Variants in CNBD1 observed in about 807,000 individuals in gnomAD.
CNBD1 encodes cyclic nucleotide-binding domain-containing protein 1.
In CNBD1, 71 loss-of-function variants were observed where a neutral mutation model predicts 54.4. The ratio of observed to expected loss-of-function variants is 1.30; its 90% confidence interval spans 1.08 to 1.59. CNBD1 has a LOEUF of 1.59. CNBD1 is among the 40% of genes most tolerant of loss of function. The probability of loss-of-function intolerance (pLI) is 0.00; values close to 1 mark genes in which losing one functional copy is unlikely to be tolerated. For synonymous variants in CNBD1, 182 were observed against 170.7 expected (o/e 1.07, Z -0.51); for missense variants, 659 against 518.0 (o/e 1.27, Z -2.64).
chr8:87,128,665 G>A (rs1231535312), intron 4 of CNBD1, among the ~76,000 whole-genome samples: 1 of 152,008 alleles, frequency 6.6e-6, no homozygotes, highest in Non-Finnish European at 1.5e-5. Flanking sequence ...TTAATTTGGT[G>A]AATTACACTG....
chr8:87,192,533 C>A (rs150438160), intron 4 of CNBD1, among the ~76,000 whole-genome samples: 45 of 152,282 alleles, frequency 3.0e-4, no homozygotes, highest in African/African-American at 9.9e-4. Flanking sequence ...TGACCTTGGG[C>A]AAGTTACTCA....
At position 87,410,555 on chromosome 8, in the gene CNBD1, G is replaced by A. The variant is rs1243505719; in HGVS notation, c.214-17991G>A. 3.9e-5 allele frequency among the ~76,000 whole-genome samples: 6 copies of A among 152,118 alleles called. No individual in the cohort carries two copies. In the East Asian group the frequency reaches 1.2e-3, roughly 29 times the overall value. On this transcript the variant is annotated intron_variant, in intron 2 of 7. Transcript: ENST00000521593. The stretch of plus-strand genomic sequence containing the variant: ...TTCTTGAGATACATCACCTCCTGGT[G>A]AAGATGATGTGAACATTGTTGAAAT...
At chr8:87,176,295 C>A (rs532805091) in intron 4 of CNBD1, among the ~76,000 whole-genome samples, 5 of 152,088 alleles carry the variant, frequency 3.3e-5, no homozygotes, top group South Asian at 2.1e-4. Context: ...TGCTCTCCCC[C>A]CTCTGTATAT....
At chr8:87,301,960 G>C (rs1191100497) in intron 8 of CNBD1, among the ~76,000 whole-genome samples, 1 of 152,074 alleles carries the variant, frequency 6.6e-6, no homozygotes, top group East Asian at 1.9e-4. Context: ...TCTCTGAATA[G>C]ACCAATAACA....
intron 4 of CNBD1, among the ~76,000 whole-genome samples, chr8:87,055,594 C>G (rs1254381095): frequency 6.6e-6 from 1 of 152,180 alleles, no homozygotes; most frequent in Non-Finnish European, 1.5e-5. Flanking sequence ...CATCTGCAGT[C>G]TGAGTTTTCC....
chr8:87,072,678 C>T (rs955609725), intron 4 of CNBD1, among the ~76,000 whole-genome samples: 10 of 151,272 alleles, frequency 6.6e-5, no homozygotes, highest in Non-Finnish European at 1.3e-4. Context: ...AGAGGTCTTC[C>T]GTTAGTCTGA....
At chr8:87,381,943 T>C (rs72668641) in intron 10 of CNBD1, among the ~76,000 whole-genome samples, 15,032 of 151,888 alleles carry the variant, frequency 0.099, 753 homozygotes, top group African/African-American at 0.11. Context: ...CTACCTATAG[T>C]CAACAATATT....
At chr8:87,417,229 G>C (rs1235312311) in intron 2 of CNBD1, among the ~76,000 whole-genome samples, 1 of 151,946 alleles carries the variant, frequency 6.6e-6, no homozygotes, top group African/African-American at 2.4e-5. Context: ...AGGCAAGAGT[G>C]AATGTGGAGG....
chr8:86,895,406 T>C (rs1808835482), intron 2 of CNBD1, among the ~76,000 whole-genome samples: 1 of 152,182 alleles, frequency 6.6e-6, no homozygotes, highest in Non-Finnish European at 1.5e-5. Context: ...CAATTACAAA[T>C]AAAGCTGCTA....
chr8:87,259,004 C>A (rs1245481130), intron 6 of CNBD1, among the ~76,000 whole-genome samples: 15 of 152,034 alleles, frequency 9.9e-5, no homozygotes, highest in African/African-American at 3.6e-4. Context: ...ATTCTCATAC[C>A]TTCTAATAAT....
intron 4 of CNBD1, among the ~76,000 whole-genome samples, chr8:87,186,646 T>C (rs1452873644): frequency 6.6e-6 from 1 of 152,078 alleles, no homozygotes; most frequent in Non-Finnish European, 1.5e-5. Context: ...ATAATGTACC[T>C]ACTTATAATT....
At chr8:87,274,622 T>C (rs1808438618) in intron 6 of CNBD1, among the ~76,000 whole-genome samples, 1 of 137,220 alleles carries the variant, frequency 7.3e-6, no homozygotes, top group African/African-American at 2.9e-5. Flanking sequence ...GGTTGTTTGT[T>C]TTTTTCTTGT....
chr8:87,168,346 A>G (rs1382072001), intron 4 of CNBD1, among the ~76,000 whole-genome samples: 1 of 152,066 alleles, frequency 6.6e-6, no homozygotes, highest in African/African-American at 2.4e-5. Context: ...AGATATTTTG[A>G]CACAGGCATG....
At chr8:86,923,861 T>TG (rs1809315810) in intron 3 of CNBD1, among the ~76,000 whole-genome samples, 1 of 152,176 alleles carries the variant, frequency 6.6e-6, no homozygotes, top group Admixed American at 6.5e-5. Flanking sequence ...CAGAATATTC[T>TG]GGGGAACTGC....
intron 2 of CNBD1, among the ~76,000 whole-genome samples, chr8:87,425,997 C>A (rs1037607855): frequency 2.6e-5 from 4 of 152,234 alleles, no homozygotes; most frequent in Admixed American, 1.3e-4. Flanking sequence ...CCCTCTGAGC[C>A]AGGTGCAGGA....
At chr8:87,076,926 A>T (rs1442913946) in intron 4 of CNBD1, among the ~76,000 whole-genome samples, 1 of 152,236 alleles carries the variant, frequency 6.6e-6, no homozygotes, top group Admixed American at 6.5e-5. Flanking sequence ...ATTGCACATG[A>T]TATAAATGAG....
chr8:87,358,116 T>A (rs1263133686), intron 10 of CNBD1, among the ~76,000 whole-genome samples: 1 of 152,168 alleles, frequency 6.6e-6, no homozygotes, highest in Admixed American at 6.6e-5. Context: ...GTGCCATGCT[T>A]GTACAACTTG....
intron 3 of CNBD1, among the ~76,000 whole-genome samples, chr8:86,926,464 G>T (rs1041091257): frequency 2.6e-5 from 4 of 152,190 alleles, no homozygotes; most frequent in East Asian, 3.9e-4. Context: ...TGACAAGGAG[G>T]TTAAAAATAC....
chr8:87,218,935 T>G lies in CNBD1; in HGVS notation c.577+12797T>G, dbSNP rs1424085280. On this transcript the variant is annotated intron_variant, in intron 5 of 10. Transcript: ENST00000518476. The stretch of plus-strand genomic sequence containing the variant: ...CAATATTATCTGTATTTTTGTATGC[T>G]CACAAGATAAATCCTTTTAGATAAC... Among the ~76,000 whole-genome samples the G allele has an allele frequency of 3.3e-5, 5 of 152,076 alleles. No homozygotes were observed. In the East Asian group the frequency reaches 9.6e-4, roughly 29 times the overall value.
Sources: allele counts gnomAD v4.1 joint callset (sites outside exome capture counted in the v4.1 genomes callset), GRCh38; gene constraint gnomAD v4.1.1; transcripts MANE v1.5; gene names NCBI Gene and HGNC (gene_info 2026-07-23, HGNC 2026-07-21).